Variants in SORCS2 observed in about 807,000 individuals in gnomAD.
The protein encoded by SORCS2 is sortilin related VPS10 domain containing receptor 2.
Under a neutral mutation model 141.6 loss-of-function variants are expected in SORCS2, and 100 were observed. The ratio of observed to expected loss-of-function variants is 0.71; its 90% CI spans 0.60 to 0.83. The LOEUF (loss-of-function observed/expected upper bound fraction) is 0.83, where lower values mean the gene tolerates loss of function less well. SORCS2 is among the 40% of genes least tolerant of loss of function. The pLI, the probability that SORCS2 is intolerant of heterozygous loss-of-function variation, is 0.00. For missense variants in SORCS2, 1,646 were observed against 1,560.2 expected, an observed-to-expected ratio of 1.05 and a Z score of -0.93; for synonymous variants, 789 against 676.9, an observed-to-expected ratio of 1.17 and a Z score of -2.57.
chr4:7,588,176 C>G (rs934247158), intron 3 of SORCS2, among the ~76,000 whole-genome samples: 1 of 152,172 alleles, frequency 6.6e-6, no homozygotes, highest in Non-Finnish European at 1.5e-5. Flanking sequence ...CTTCTGCGGT[C>G]GGCAAATCCT....
At chr4:7,256,612 C>T (rs956359597) in intron 1 of SORCS2, among the ~76,000 whole-genome samples, 3 of 151,396 alleles carry the variant, frequency 2.0e-5, no homozygotes, top group African/African-American at 7.3e-5. Flanking sequence ...TTATGCCCTC[C>T]GGCTCGGAGC....
intron 1 of SORCS2, among the ~76,000 whole-genome samples, chr4:7,235,025 G>T (rs1172987675): frequency 2.0e-5 from 3 of 152,236 alleles, no homozygotes; most frequent in East Asian, 3.8e-4. Flanking sequence ...TGGGCACAGG[G>T]TGGAAACTGA....
chr4:7,209,207 C>T (rs1393852500), intron 1 of SORCS2, among the ~76,000 whole-genome samples: 3 of 152,220 alleles, frequency 2.0e-5, no homozygotes, highest in Admixed American at 2.0e-4. Context: ...CTCAGATGCC[C>T]CCTCCTCAGC....
chr4:7,540,678 A>T (rs958740143), intron 3 of SORCS2, among the ~76,000 whole-genome samples: 1 of 152,172 alleles, frequency 6.6e-6, no homozygotes, highest in Non-Finnish European at 1.5e-5. Flanking sequence ...CACACATCTG[A>T]TGAAGAGAGT....
chr4:7,432,880 C>A (rs10014338), intron 2 of SORCS2: 23,580 of 155,990 alleles, frequency 0.15, 1,855 homozygotes, highest in Non-Finnish European at 0.18. Flanking sequence ...GAGGTAATGA[C>A]CCTACTAGTG....
At chr4:7,712,408 C>T (rs925432625) in intron 14 of SORCS2, among the ~76,000 whole-genome samples, 3 of 152,340 alleles carry the variant, frequency 2.0e-5, no homozygotes, top group Admixed American at 6.5e-5. Context: ...GGGCTCCCAA[C>T]TCTGCTGTGG....
chr4:7,548,978 A>T (rs752564470), intron 3 of SORCS2, among the ~76,000 whole-genome samples: 1 of 152,138 alleles, frequency 6.6e-6, no homozygotes, highest in Admixed American at 6.5e-5. Flanking sequence ...TGATGCTCTC[A>T]TTGGCTGGGC....
chr4:7,676,824 T>TCTCTCC lies in SORCS2; in HGVS notation c.1341+601_1341+606dup, dbSNP rs1553902880. Among the ~76,000 whole-genome samples the TCTCTCC allele has an allele frequency of 8.8e-3, 431 of 49,074 alleles. 31 individuals are homozygous for TCTCTCC. Among genetic ancestry groups the TCTCTCC allele is most frequent in the Non-Finnish European group, 0.012 (306 of 25,620 alleles). The allele number at this position is 49,074 out of a possible 152,430, so 32.2% of individuals were successfully genotyped here. A position where few individuals can be genotyped will look rare whatever the true frequency, so the allele number is the denominator to read the frequency against. On this transcript the variant is annotated intron_variant, in intron 9 of 26. Coordinates refer to ENST00000507866, the MANE Select transcript of SORCS2 (RefSeq NM_020777.3). ...TTCTGTCTCTCTCTCTCTCTCTCTC[T>TCTCTCC]CTCTCCCTCTCTCCACCCCAGCCCT...
chr4:7,456,224 A>G (rs1347617532), intron 2 of SORCS2, among the ~76,000 whole-genome samples: 1 of 152,214 alleles, frequency 6.6e-6, no homozygotes, highest in African/African-American at 2.4e-5. Context: ...TGACAGTCAC[A>G]TCAGGTATTG....
At chr4:7,497,180 C>T (rs551712679) in intron 2 of SORCS2, among the ~76,000 whole-genome samples, 1 of 152,356 alleles carries the variant, frequency 6.6e-6, no homozygotes, top group African/African-American at 2.4e-5. Flanking sequence ...TCTTCCCTGC[C>T]CCTGCCACAC....
intron 3 of SORCS2, among the ~76,000 whole-genome samples, chr4:7,588,266 T>C (rs994210355): frequency 3.3e-5 from 5 of 152,190 alleles, no homozygotes; most frequent in Non-Finnish European, 5.9e-5. Context: ...GGCTGTGAAA[T>C]GTCTCCCACA....
At chr4:7,244,951 G>T (rs546432433) in intron 1 of SORCS2, among the ~76,000 whole-genome samples, 22 of 152,254 alleles carry the variant, frequency 1.4e-4, no homozygotes, top group Admixed American at 3.3e-4. Context: ...GCTGAGAAGT[G>T]GGCAGTTGGA....
Position 7,735,152 on chromosome 4 carries a change from C to G in SORCS2, c.3311+778C>G, listed in dbSNP as rs145356070. 3.2e-3 allele frequency among the ~76,000 whole-genome samples: 493 copies of G among 152,350 alleles called. 3 individuals are homozygous for G. The highest frequency in any genetic ancestry group is 0.02 in the Middle Eastern group (6 of 294). On this transcript the variant is annotated intron_variant, in intron 25 of 26. Transcript: ENST00000507866. Reference sequence around the variant, plus strand: ...CCAGACTCCTTCCCTGCAAACGCAGCTCCCAGATTTGGCCCTATTGTTTCT... The same window carrying G: ...CCAGACTCCTTCCCTGCAAACGCAGGTCCCAGATTTGGCCCTATTGTTTCT...
At chr4:7,668,816 G>A (rs1438392603) in intron 8 of SORCS2, among the ~76,000 whole-genome samples, 1 of 152,116 alleles carries the variant, frequency 6.6e-6, no homozygotes, top group Non-Finnish European at 1.5e-5. Flanking sequence ...GGGGGCTACA[G>A]CATTAGAAGC....
At chr4:7,272,756 C>T (rs550836117) in intron 1 of SORCS2, among the ~76,000 whole-genome samples, 1 of 152,358 alleles carries the variant, frequency 6.6e-6, no homozygotes, top group South Asian at 2.1e-4. Context: ...CATCAATAAT[C>T]GCAATCAGAT....
intron 3 of SORCS2, among the ~76,000 whole-genome samples, chr4:7,582,449 A>G (rs976876166): frequency 5.3e-5 from 8 of 152,228 alleles, no homozygotes. Flanking sequence ...GTTGTTAACA[A>G]TTAAAGGATA....
At chr4:7,619,263 G>T (rs1718982120) in intron 3 of SORCS2, among the ~76,000 whole-genome samples, 2 of 152,194 alleles carry the variant, frequency 1.3e-5, no homozygotes, top group Admixed American at 1.3e-4. Context: ...AGGCGTAAGG[G>T]ATTCATCTGG....
chr4:7,574,477 G>A (rs986162657), intron 3 of SORCS2, among the ~76,000 whole-genome samples: 11 of 152,164 alleles, frequency 7.2e-5, no homozygotes, highest in Admixed American at 3.3e-4. Context: ...ATTGCCTGCC[G>A]TTTCAGCTAC....
At chr4:7,360,243 C>T (rs978570126) in intron 1 of SORCS2, among the ~76,000 whole-genome samples, 3 of 152,112 alleles carry the variant, frequency 2.0e-5, no homozygotes, top group Non-Finnish European at 2.9e-5. Context: ...ATGTTATTGT[C>T]GAAGAGGCAT....
Sources: allele counts gnomAD v4.1 joint callset (sites outside exome capture counted in the v4.1 genomes callset), GRCh38; gene constraint gnomAD v4.1.1; transcripts MANE v1.5; gene names NCBI Gene and HGNC (gene_info 2026-07-23, HGNC 2026-07-21).